Variants in BNC2 observed in about 807,000 individuals in gnomAD.
BNC2 encodes the protein zinc finger protein basonuclin-2.
A neutral mutation model predicts 76.3 loss-of-function variants in BNC2; 20 were observed. That is an observed-to-expected ratio of 0.26 (90% CI 0.18 to 0.38). The LOEUF (loss-of-function observed/expected upper bound fraction) is 0.38, where lower values mean the gene tolerates loss of function less well. Among genes scored for constraint, BNC2 ranks in the 10% least tolerant of loss-of-function variants. The pLI is 1.00. For synonymous variants in BNC2, 582 were observed against 514.8 expected, an observed-to-expected ratio of 1.13 and a Z score of -1.77; for missense variants, 1,382 against 1,399.8, an observed-to-expected ratio of 0.99 and a Z score of 0.20.
intron 1 of BNC2, among the ~76,000 whole-genome samples, chr9:16,818,483 T>C (rs992419576): frequency 1.3e-5 from 2 of 152,190 alleles, no homozygotes; most frequent in Non-Finnish European, 1.5e-5. Flanking sequence ...AAAATGGAAG[T>C]CCACAATGAG....
At chr9:16,762,739 A>G (rs1001225169) in intron 1 of BNC2, among the ~76,000 whole-genome samples, 2 of 152,214 alleles carry the variant, frequency 1.3e-5, no homozygotes, top group Non-Finnish European at 2.9e-5. Flanking sequence ...TCCTCTGTCA[A>G]CTTCTGGATT....
intron 1 of BNC2, among the ~76,000 whole-genome samples, chr9:16,742,624 T>A (rs1824884049): frequency 1.3e-5 from 2 of 152,210 alleles, no homozygotes; most frequent in Non-Finnish European, 2.9e-5. Flanking sequence ...TCATAGAGCT[T>A]TATAAAGCAG....
intron 3 of BNC2, among the ~76,000 whole-genome samples, chr9:16,623,189 T>C (rs1433739515): frequency 6.6e-6 from 1 of 152,136 alleles, no homozygotes; most frequent in African/African-American, 2.4e-5. Flanking sequence ...CCTTGCTTTA[T>C]GGACGTATTC....
intron 1 of BNC2, among the ~76,000 whole-genome samples, chr9:16,797,347 G>A (rs561650914): frequency 6.6e-6 from 1 of 152,104 alleles, no homozygotes; most frequent in African/African-American, 2.4e-5. Context: ...GGGCACTGTA[G>A]ATTAAATGAG....
intron 3 of BNC2, among the ~76,000 whole-genome samples, chr9:16,633,708 G>A (rs1587257380): frequency 6.6e-6 from 1 of 152,196 alleles, no homozygotes; most frequent in East Asian, 1.9e-4. Context: ...GTAACATCGT[G>A]ACAATGTTTC....
chr9:16,427,544 G>C (rs1383539707), intron 6 of BNC2, among the ~76,000 whole-genome samples: 2 of 152,176 alleles, frequency 1.3e-5, no homozygotes, highest in Non-Finnish European at 2.9e-5. Flanking sequence ...CTTGCCAACT[G>C]CTTCGTGTCT....
chr9:16,704,419 A>T (rs1045972057), intron 3 of BNC2, among the ~76,000 whole-genome samples: 1 of 152,146 alleles, frequency 6.6e-6, no homozygotes, highest in Non-Finnish European at 1.5e-5. Flanking sequence ...GTGGTTTCAC[A>T]ACAAAGTCCC....
intron 1 of BNC2, among the ~76,000 whole-genome samples, chr9:16,837,624 T>C (rs1818737921): frequency 6.6e-6 from 1 of 152,222 alleles, no homozygotes; most frequent in Non-Finnish European, 1.5e-5. Flanking sequence ...TCTCAAATTA[T>C]ATTTGTAGAA....
intron 5 of BNC2, among the ~76,000 whole-genome samples, chr9:16,511,313 G>A (rs1822749962): frequency 6.7e-6 from 1 of 149,756 alleles, no homozygotes; most frequent in Non-Finnish European, 1.5e-5. Context: ...GTCTTGCTAT[G>A]TTACCCAGGC....
intron 1 of BNC2, among the ~76,000 whole-genome samples, chr9:16,754,553 G>GCCT (rs1825319586): frequency 4.9e-5 from 6 of 121,312 alleles, no homozygotes; most frequent in Admixed American, 3.6e-4. Flanking sequence ...GATTCAAATA[G>GCCT]TCATTTTTTT....
intron 1 of BNC2, among the ~76,000 whole-genome samples, chr9:16,858,550 C>G (rs1423782389): frequency 6.6e-6 from 1 of 152,094 alleles, no homozygotes; most frequent in Non-Finnish European, 1.5e-5. Context: ...CTGAATCAAA[C>G]TTAGAAACTT....
intron 3 of BNC2, among the ~76,000 whole-genome samples, chr9:16,611,668 T>G (rs934854136): frequency 6.6e-6 from 1 of 152,152 alleles, no homozygotes; most frequent in Non-Finnish European, 1.5e-5. Context: ...AGACATGCAG[T>G]CTGTTAGCAT....
chr9:16,424,447 G>C (rs961636454), intron 6 of BNC2, among the ~76,000 whole-genome samples: 3 of 151,898 alleles, frequency 2.0e-5, no homozygotes, highest in African/African-American at 7.3e-5. Context: ...TGCCTCAAGG[G>C]AAAAATAACT....
intron 4 of BNC2, among the ~76,000 whole-genome samples, chr9:16,562,496 T>C (rs367944726): frequency 6.6e-6 from 1 of 152,340 alleles, no homozygotes. Flanking sequence ...ATGTTTATCA[T>C]TTAGTAAGGT....
chr9:16,573,513 T>C (rs113571602), intron 4 of BNC2, among the ~76,000 whole-genome samples: 26,853 of 152,058 alleles, frequency 0.18, 4,405 homozygotes, highest in African/African-American at 0.43. Flanking sequence ...GGCTTCCTTA[T>C]TGGACAGCCA....
intron 4 of BNC2, among the ~76,000 whole-genome samples, chr9:16,582,247 C>T (rs897931402): frequency 3.9e-5 from 6 of 152,180 alleles, no homozygotes; most frequent in Admixed American, 3.9e-4. Context: ...TCCAAGTCTC[C>T]TTTTACTTAA....
At chr9:16,738,285 T>C in intron 2 of BNC2, 75 bp downstream of exon 2, 1 of 1,493,318 alleles carries the variant, frequency 6.7e-7, no homozygotes, top group Non-Finnish European at 9.3e-7. Flanking sequence ...AGGTGAGAGA[T>C]ATATCTTAAC....
At chr9:16,826,674 T>C (rs1586915385) in intron 1 of BNC2, among the ~76,000 whole-genome samples, 4 of 152,332 alleles carry the variant, frequency 2.6e-5, no homozygotes, top group East Asian at 3.9e-4. Context: ...AAGGCAAGCA[T>C]GTTTTCACCA....
At chr9:16,815,109 C>T (rs1364349579) in intron 1 of BNC2, among the ~76,000 whole-genome samples, 1 of 152,094 alleles carries the variant, frequency 6.6e-6, no homozygotes, top group East Asian at 1.9e-4. Flanking sequence ...CTTTGAAAAG[C>T]AGCTGCCCAA....
Sources: allele counts gnomAD v4.1 joint callset (sites outside exome capture counted in the v4.1 genomes callset), GRCh38; gene constraint gnomAD v4.1.1; transcripts MANE v1.5; gene names NCBI Gene and HGNC (gene_info 2026-07-23, HGNC 2026-07-21).